Variants in FHIT observed in about 807,000 individuals in gnomAD.
FHIT encodes the protein fragile histidine triad diadenosine triphosphatase, also known as bis(5'-adenosyl)-triphosphatase.
In FHIT, 19 loss-of-function variants were observed where a neutral mutation model predicts 17.9. The ratio of observed to expected loss-of-function variants is 1.06; its 90% CI spans 0.74 to 1.56. The LOEUF (loss-of-function observed/expected upper bound fraction) is 1.56, where lower values mean the gene tolerates loss of function less well. Ranked by LOEUF, FHIT falls within the 40% of genes most tolerant of loss-of-function variation. The probability of loss-of-function intolerance (pLI) is 0.00; values close to 1 mark genes in which losing one functional copy is unlikely to be tolerated. For missense variants in FHIT, 248 were observed against 189.2 expected (o/e 1.31, Z -1.82); for synonymous variants, 81 against 69.7 (o/e 1.16, Z -0.81).
chr3:61,097,303 G>A (rs1208443102), intron 2 of FHIT, among the ~76,000 whole-genome samples: 6 of 152,094 alleles, frequency 3.9e-5, no homozygotes, highest in Admixed American at 2.6e-4. Context: ...CGCCTCACCC[G>A]GGAAGCGCAA....
intron 5 of FHIT, among the ~76,000 whole-genome samples, chr3:60,340,311 G>A (rs953077243): frequency 1.3e-5 from 2 of 152,104 alleles, no homozygotes; most frequent in Non-Finnish European, 2.9e-5. Flanking sequence ...AAAACATATG[G>A]CTTTCTTTGG....
chr3:60,784,339 CTT>C (rs57018877), intron 4 of FHIT, among the ~76,000 whole-genome samples: 7 of 141,032 alleles, frequency 5.0e-5, no homozygotes, highest in African/African-American at 7.9e-5. Flanking sequence ...CTTCCAGGTT[CTT>C]TTTTTTTTTT....
At chr3:60,506,238 T>A (rs373194836) in intron 5 of FHIT, among the ~76,000 whole-genome samples, 1 of 152,182 alleles carries the variant, frequency 6.6e-6, no homozygotes, top group African/African-American at 2.4e-5. Context: ...TTGATGTCTA[T>A]TTTTCACATG....
At chr3:59,924,751 G>C (rs1051503454) in intron 7 of FHIT, among the ~76,000 whole-genome samples, 2 of 152,200 alleles carry the variant, frequency 1.3e-5, no homozygotes, top group African/African-American at 4.8e-5. Context: ...TTTTGTGAAA[G>C]CTGATTTCTG....
chr3:60,660,857 A>G (rs896259920), intron 4 of FHIT, among the ~76,000 whole-genome samples: 4 of 146,090 alleles, frequency 2.7e-5, no homozygotes, highest in Non-Finnish European at 4.5e-5. Context: ...TTCTTTATAT[A>G]TTGTAAATAC....
chr3:61,047,099 C>T (rs567127977), intron 2 of FHIT, among the ~76,000 whole-genome samples: 16 of 152,298 alleles, frequency 1.1e-4, no homozygotes, highest in African/African-American at 3.6e-4. Flanking sequence ...GGGATGCCCT[C>T]TTTCACCAAT....
Position 60,011,232 on chromosome 3 carries a change from C to T in FHIT, c.279+139G>A, listed in dbSNP as rs112873491. 1.2e-3 allele frequency: 812 copies of T among 695,716 alleles called. 7 individuals are homozygous for T. The highest frequency in any genetic ancestry group is 0.011 in the African/African-American group (645 of 56,422). The allele number at this position is 695,716 out of a possible 1,614,324, so 43.1% of individuals were successfully genotyped here. On this transcript the variant is annotated intron_variant, in intron 7 of 9. Transcript: ENST00000492590. ...GCAGAGTTTATAATGTCAGGATTTA[C>T]GGCTCTAACACTGAGGGTCTCTCTG... is the stretch of plus-strand genomic sequence containing the variant.
chr3:60,523,409 T>C (rs2035448389), intron 5 of FHIT, among the ~76,000 whole-genome samples: 1 of 152,168 alleles, frequency 6.6e-6, no homozygotes, highest in Admixed American at 6.5e-5. Flanking sequence ...AATAAATGAA[T>C]AAACAAACTA....
At chr3:61,176,302 A>G (rs1437443688) in intron 2 of FHIT, among the ~76,000 whole-genome samples, 2 of 152,244 alleles carry the variant, frequency 1.3e-5, no homozygotes, top group Non-Finnish European at 2.9e-5. Context: ...CAATCATTTT[A>G]TTCTGAAGAG....
At chr3:60,886,644 G>A (rs571295554) in intron 3 of FHIT, among the ~76,000 whole-genome samples, 1 of 152,158 alleles carries the variant, frequency 6.6e-6, no homozygotes, top group Non-Finnish European at 1.5e-5. Context: ...ACACATTCTA[G>A]AGATTCCTGA....
At chr3:60,358,530 C>A (rs926898841) in intron 5 of FHIT, among the ~76,000 whole-genome samples, 14 of 152,148 alleles carry the variant, frequency 9.2e-5, no homozygotes, top group African/African-American at 1.9e-4. Flanking sequence ...GATCATTGAG[C>A]AAATATTACT....
intron 5 of FHIT, among the ~76,000 whole-genome samples, chr3:60,175,002 G>A (rs1298040725): frequency 1.3e-5 from 2 of 152,056 alleles, no homozygotes; most frequent in African/African-American, 2.4e-5. Flanking sequence ...GGATAGGGGT[G>A]GATAATGATT....
intron 8 of FHIT, among the ~76,000 whole-genome samples, chr3:59,844,955 T>C (rs1402987250): frequency 6.6e-6 from 1 of 152,184 alleles, no homozygotes; most frequent in Non-Finnish European, 1.5e-5. Flanking sequence ...AGATTACTGA[T>C]CACTGATTTA....
At chr3:60,028,483 A>G (rs1278783695) in intron 5 of FHIT, among the ~76,000 whole-genome samples, 1 of 152,228 alleles carries the variant, frequency 6.6e-6, no homozygotes, top group Non-Finnish European at 1.5e-5. Flanking sequence ...ATCACTGCAC[A>G]TCTGGTATTC....
intron 5 of FHIT, among the ~76,000 whole-genome samples, chr3:60,192,811 T>A: frequency 6.6e-6 from 1 of 152,298 alleles, no homozygotes; most frequent in African/African-American, 2.4e-5. Context: ...TGACTCATGT[T>A]TGGTTTTGAC....
intron 5 of FHIT, among the ~76,000 whole-genome samples, chr3:60,067,095 T>C (rs745561077): frequency 5.9e-5 from 9 of 152,052 alleles, no homozygotes; most frequent in African/African-American, 9.7e-5. Context: ...CATAAGAAGA[T>C]ACCCAGGGAC....
intron 3 of FHIT, among the ~76,000 whole-genome samples, chr3:60,951,882 T>C (rs1445783646): frequency 6.6e-6 from 1 of 152,124 alleles, no homozygotes; most frequent in Non-Finnish European, 1.5e-5. Flanking sequence ...ATTCCACTTT[T>C]TGGCTGGGTG....
chr3:60,388,337 T>C (rs1311603297), intron 5 of FHIT, among the ~76,000 whole-genome samples: 1 of 152,172 alleles, frequency 6.6e-6, no homozygotes, highest in Non-Finnish European at 1.5e-5. Context: ...TGGTGGCTCA[T>C]GCCCATAATC....
intron 8 of FHIT, among the ~76,000 whole-genome samples, chr3:59,860,240 T>C (rs1009809329): frequency 6.6e-6 from 1 of 152,150 alleles, no homozygotes; most frequent in African/African-American, 2.4e-5. Context: ...GAGAAGACCC[T>C]TTGTTGGGAA....
Sources: gnomAD v4.1 joint callset for allele counts (sites outside exome capture counted in the v4.1 genomes callset) on GRCh38, gnomAD v4.1.1 for gene constraint, MANE v1.5 for transcripts, NCBI Gene and HGNC (gene_info 2026-07-23, HGNC 2026-07-21) for gene names.